The following ZNF521 variants were observed in gnomAD, a reference collection of about 807,000 sequenced individuals.
ZNF521 encodes LYST-interacting protein 3.
ZNF521 carries 14 observed loss-of-function variants against 105.5 expected under a neutral mutation model. That is an observed-to-expected ratio of 0.13 (90% CI 0.09 to 0.21). The LOEUF (loss-of-function observed/expected upper bound fraction) is 0.21. Ranked by LOEUF, ZNF521 falls within the 10% of genes least tolerant of loss-of-function variation. The pLI is 1.00. For missense variants in ZNF521, 1,233 were observed against 1,629.7 expected, an observed-to-expected ratio of 0.76 and a Z score of 4.19; for synonymous variants, 635 against 606.0, an observed-to-expected ratio of 1.05 and a Z score of -0.70.
intron 4 of ZNF521, among the ~76,000 whole-genome samples, chr18:25,217,189 G>A (rs186500327): frequency 5.9e-5 from 9 of 152,240 alleles, no homozygotes; most frequent in East Asian, 1.9e-4. Context: ...ACAGGTCTAC[G>A]CTTCCAACTG....
intron 5 of ZNF521, among the ~76,000 whole-genome samples, chr18:25,129,094 GGACA>G (rs2034590139): frequency 6.6e-6 from 1 of 151,662 alleles, no homozygotes; most frequent in African/African-American, 2.4e-5. Flanking sequence ...ATTAGTGAAA[GGACA>G]GACAAATGAA....
At chr18:25,066,859 G>A (rs987710911) in intron 7 of ZNF521, among the ~76,000 whole-genome samples, 2 of 152,160 alleles carry the variant, frequency 1.3e-5, no homozygotes, top group Admixed American at 6.5e-5. Flanking sequence ...CACTACACTA[G>A]AACAAAGCAG....
intron 5 of ZNF521, among the ~76,000 whole-genome samples, chr18:25,123,142 TTA>T (rs1429212834): frequency 6.6e-6 from 1 of 150,938 alleles, no homozygotes; most frequent in Non-Finnish European, 1.5e-5. Flanking sequence ...AAATGACTCA[TTA>T]TATGAGTCAT....
Position 25,300,026 on chromosome 18 carries a change from A to G in ZNF521, c.220+21982T>C, listed in dbSNP as rs1568064589. ...TACTTTAACCAACAGAGAACACAGAAGTATCGCTGTTATTTCTAAGCTTGG... is the reference window on the plus strand; with the variant it reads ...TACTTTAACCAACAGAGAACACAGAGGTATCGCTGTTATTTCTAAGCTTGG... On this transcript the variant is annotated intron_variant, in intron 3 of 7. Coordinates refer to ENST00000361524, the MANE Select transcript of ZNF521 (RefSeq NM_015461.3). Among the ~76,000 whole-genome samples, 5 of 152,236 alleles carry G rather than the reference A, an allele frequency of 3.3e-5. No individual in the cohort carries two copies. In the South Asian group the frequency reaches 1.0e-3, roughly 32 times the overall value.
intron 4 of ZNF521, among the ~76,000 whole-genome samples, chr18:25,209,322 G>T (rs1248462356): frequency 6.6e-6 from 1 of 151,988 alleles, no homozygotes; most frequent in Non-Finnish European, 1.5e-5. Context: ...AGTAGAGACA[G>T]GGTTTCACCA....
intron 7 of ZNF521, among the ~76,000 whole-genome samples, chr18:25,073,598 A>C (rs11876226): frequency 0.22 from 33,484 of 152,192 alleles, 3,970 homozygotes; most frequent in African/African-American, 0.3. Flanking sequence ...AGAGAAGCAC[A>C]GGGCGTTGTA....
At chr18:25,169,564 A>G (rs147577324) in intron 5 of ZNF521, among the ~76,000 whole-genome samples, 39 of 152,328 alleles carry the variant, frequency 2.6e-4, no homozygotes, top group East Asian at 1.5e-3. Context: ...CTAGTTTAAA[A>G]TAATTAAATA....
intron 3 of ZNF521, among the ~76,000 whole-genome samples, chr18:25,298,111 T>A (rs563014588): frequency 3.2e-4 from 49 of 152,340 alleles, no homozygotes; most frequent in Admixed American, 1.5e-3. Flanking sequence ...ATTGCTTCTC[T>A]TAATTACTGT....
At chr18:25,064,989 G>T (rs369868467) in intron 7 of ZNF521, among the ~76,000 whole-genome samples, 1 of 152,044 alleles carries the variant, frequency 6.6e-6, no homozygotes, top group African/African-American at 2.4e-5. Context: ...ACTTGTCACC[G>T]ATATGTAGAC....
rs546411699 is a variant in ZNF521 at position 25,341,691 on chromosome 18, C to T, written c.40+9216G>A. Among the ~76,000 whole-genome samples the T allele has an allele frequency of 1.7e-4, 26 of 152,304 alleles. No individual in the cohort carries two copies. In the South Asian group the frequency reaches 5.4e-3, roughly 32 times the overall value. On this transcript the variant is annotated intron_variant, in intron 2 of 7. Transcript: ENST00000361524. ...CGGTGCCAAAAATGTTTTTGAGACTCATTTTGTCTAACTGCTTCATCTGAC... is the reference window on the plus strand; with the variant it reads ...CGGTGCCAAAAATGTTTTTGAGACTTATTTTGTCTAACTGCTTCATCTGAC...
At chr18:25,175,898 C>G (rs2035527758) in intron 5 of ZNF521, among the ~76,000 whole-genome samples, 1 of 152,176 alleles carries the variant, frequency 6.6e-6, no homozygotes, top group South Asian at 2.1e-4. Flanking sequence ...GCCACCTTTA[C>G]AAAATTATGA....
intron 3 of ZNF521, among the ~76,000 whole-genome samples, chr18:25,269,882 T>G (rs1282712653): frequency 1.3e-5 from 2 of 151,908 alleles, no homozygotes; most frequent in Non-Finnish European, 2.9e-5. Flanking sequence ...TTAAAAGATG[T>G]AGAGAAACAA....
chr18:25,121,603 G>A (rs1336096785), intron 5 of ZNF521, among the ~76,000 whole-genome samples: 7 of 152,092 alleles, frequency 4.6e-5, no homozygotes, highest in Admixed American at 6.5e-5. Flanking sequence ...TGTGGAAGTA[G>A]AAAGCACCCA....
At chr18:25,067,486 A>G (rs1402278545) in intron 7 of ZNF521, among the ~76,000 whole-genome samples, 1 of 152,176 alleles carries the variant, frequency 6.6e-6, no homozygotes, top group Non-Finnish European at 1.5e-5. Context: ...CACTCTAACA[A>G]ATGATTAATT....
intron 2 of ZNF521, among the ~76,000 whole-genome samples, chr18:25,342,816 C>T (rs986890273): frequency 2.0e-5 from 3 of 152,116 alleles, no homozygotes; most frequent in Non-Finnish European, 4.4e-5. Context: ...AAACTTAACA[C>T]AACTAAGACA....
chr18:25,069,508 C>T (rs2144117366), intron 7 of ZNF521, among the ~76,000 whole-genome samples: 1 of 152,204 alleles, frequency 6.6e-6, no homozygotes, highest in East Asian at 1.9e-4. Context: ...CCAAAATCAC[C>T]CTCAAGTACC....
At chr18:25,322,304 G>A (rs1229425421) in intron 2 of ZNF521, 117 bp from the exon 3 acceptor site, 1 of 980,850 alleles carries the variant, frequency 1.0e-6, no homozygotes, top group Admixed American at 1.7e-5. Context: ...GCAATAGGAG[G>A]GCTTCATTGC....
At chr18:25,264,917 G>A (rs554638526) in intron 3 of ZNF521, among the ~76,000 whole-genome samples, 1 of 152,196 alleles carries the variant, frequency 6.6e-6, no homozygotes, top group African/African-American at 2.4e-5. Flanking sequence ...CACCAAGTAT[G>A]GCAGGAAGGA....
At chr18:25,203,731 GGAAGA>G (rs1414762159) in intron 4 of ZNF521, among the ~76,000 whole-genome samples, 18 of 152,210 alleles carry the variant, frequency 1.2e-4, no homozygotes, top group South Asian at 4.1e-4. Flanking sequence ...GACAAGAAAA[GGAAGA>G]GAAAAGAAAA....
Sources: gnomAD v4.1 joint callset for allele counts (sites outside exome capture counted in the v4.1 genomes callset) on GRCh38, gnomAD v4.1.1 for gene constraint, MANE v1.5 for transcripts, NCBI Gene and HGNC (gene_info 2026-07-23, HGNC 2026-07-21) for gene names.